The following CDH13 variants were observed in gnomAD, a reference collection of about 807,000 sequenced individuals.
CDH13 encodes the protein cadherin 13.
CDH13 carries 24 observed loss-of-function variants against 63.8 expected under a neutral mutation model. The observed-to-expected ratio is 0.38, with a 90% CI of 0.27 to 0.53. The LOEUF (loss-of-function observed/expected upper bound fraction) is 0.53. Ranked by LOEUF, CDH13 falls within the 20% of genes least tolerant of loss-of-function variation. CDH13 has a pLI of 0.85. For missense variants in CDH13, 1,049 were observed against 903.1 expected (o/e 1.16, Z -2.07); for synonymous variants, 503 against 355.3 (o/e 1.42, Z -4.67).
At chr16:83,218,125 G>A (rs1049886792) in intron 5 of CDH13, among the ~76,000 whole-genome samples, 1 of 152,132 alleles carries the variant, frequency 6.6e-6, no homozygotes, top group East Asian at 1.9e-4. Flanking sequence ...TGGGTTAATG[G>A]TTGTATTTGG....
At chr16:82,768,641 GC>G (rs1244699593) in intron 1 of CDH13, among the ~76,000 whole-genome samples, 4 of 152,140 alleles carry the variant, frequency 2.6e-5, no homozygotes, top group South Asian at 2.1e-4. Context: ...AATCTTTGGG[GC>G]AGGTTAGGAG....
intron 4 of CDH13, among the ~76,000 whole-genome samples, chr16:83,177,361 A>T (rs1456520972): frequency 6.6e-6 from 1 of 152,208 alleles, no homozygotes; most frequent in Non-Finnish European, 1.5e-5. Flanking sequence ...GTCTGATGCC[A>T]TCCCCAGGTC....
At chr16:83,259,839 A>G (rs1906744759) in intron 5 of CDH13, among the ~76,000 whole-genome samples, 1 of 152,214 alleles carries the variant, frequency 6.6e-6, no homozygotes. Flanking sequence ...AGCACCATGA[A>G]CCACAGCACC....
rs570760475 is a variant in CDH13, at chr16:83,795,649, G to C, written c.*619G>C. 6.6e-6 allele frequency: 1 copy of C among 152,362 alleles called. No homozygotes were observed. The highest frequency in any genetic ancestry group is 2.1e-4 in the South Asian group (1 of 4,828). The allele number at this position is 152,362 out of a possible 1,614,324, so 9.4% of individuals were successfully genotyped here. A position where few individuals can be genotyped will look rare whatever the true frequency, so the allele number is the denominator to read the frequency against. The stretch of plus-strand genomic sequence containing the variant: ...CCAGCCAGGCAGGTCCACAGAGAGG[G>C]AGAGCAGAGAAAGAAGTCCTTTCTC... On this transcript the variant is annotated 3_prime_UTR_variant, in exon 14 of 14. Coordinates refer to ENST00000567109, the MANE Select transcript of CDH13 (RefSeq NM_001257.5).
chr16:82,729,278 C>G (rs901526202), intron 1 of CDH13, among the ~76,000 whole-genome samples: 1 of 152,148 alleles, frequency 6.6e-6, no homozygotes, highest in East Asian at 1.9e-4. Context: ...TTGCCCCGAT[C>G]CATCAGAGGA....
chr16:83,175,516 C>T (rs1197621587), intron 4 of CDH13, among the ~76,000 whole-genome samples: 3 of 152,016 alleles, frequency 2.0e-5, no homozygotes, highest in African/African-American at 7.2e-5. Flanking sequence ...GGGATGGGGG[C>T]ACCACTGACT....
At chr16:83,551,658 T>C (rs560090203) in intron 7 of CDH13, among the ~76,000 whole-genome samples, 1 of 152,328 alleles carries the variant, frequency 6.6e-6, no homozygotes, top group Non-Finnish European at 1.5e-5. Context: ...ACACTGTCTT[T>C]GTTTAAGATG....
chr16:82,919,774 A>G (rs565425896), intron 2 of CDH13, among the ~76,000 whole-genome samples: 11 of 152,356 alleles, frequency 7.2e-5, no homozygotes, highest in Admixed American at 5.2e-4. Context: ...TCTGTTCGTC[A>G]TCATTCATCT....
rs868561468 is a variant in CDH13 at position 82,632,643 on chromosome 16, G to A, written c.45+5506G>A. ...GGCCTGCATACCCTCTCTGTCAGCA[G>A]TCCTCAACCATTTTGGTACCAGGGA... On this transcript the variant is annotated intron_variant, in intron 1 of 13. Coordinates refer to ENST00000567109, the MANE Select transcript of CDH13 (RefSeq NM_001257.5). 2.6e-5 allele frequency among the ~76,000 whole-genome samples: 4 copies of A among 152,288 alleles called. 1 individual carries two copies. The highest frequency in any genetic ancestry group is 6.8e-3 in the Middle Eastern group (2 of 294).
intron 2 of CDH13, among the ~76,000 whole-genome samples, chr16:82,969,029 C>A (rs11642602): frequency 0.44 from 67,563 of 151,962 alleles, 15,159 homozygotes; most frequent in East Asian, 0.49. Flanking sequence ...ATCGCTTGAA[C>A]CCTGGAGGCA....
intron 4 of CDH13, among the ~76,000 whole-genome samples, chr16:83,202,755 G>A (rs1385525088): frequency 6.6e-6 from 1 of 152,164 alleles, no homozygotes; most frequent in African/African-American, 2.4e-5. Context: ...TGGGAATAGT[G>A]CCAGGTTCAT....
At chr16:83,014,123 C>G (rs1417339863) in intron 2 of CDH13, among the ~76,000 whole-genome samples, 3 of 151,958 alleles carry the variant, frequency 2.0e-5, no homozygotes, top group South Asian at 2.1e-4. Flanking sequence ...AATATTCTGA[C>G]AGATCAGGCA....
At position 82,754,123 on chromosome 16, in the gene CDH13, G is replaced by A. The variant is rs148515905; in HGVS notation, c.46-104239G>A. On this transcript the variant is annotated intron_variant, in intron 1 of 13. Coordinates refer to ENST00000567109, the MANE Select transcript of CDH13 (RefSeq NM_001257.5). ...TTGCCATGTGTAGTTCATGGCGCAG[G>A]GTCAGGGCAGAAACTCCTTAATATT... is the stretch of plus-strand genomic sequence containing the variant. 1.1e-4 allele frequency among the ~76,000 whole-genome samples: 17 copies of A among 152,220 alleles called. No homozygotes were observed. In the East Asian group the frequency reaches 3.3e-3, roughly 29 times the overall value.
intron 7 of CDH13, among the ~76,000 whole-genome samples, chr16:83,592,521 C>T (rs977603859): frequency 2.0e-4 from 30 of 152,138 alleles, no homozygotes; most frequent in African/African-American, 7.2e-4. Context: ...TCTAGGAACG[C>T]CATTGGCAGT....
intron 2 of CDH13, among the ~76,000 whole-genome samples, chr16:82,977,307 G>T (rs988570701): frequency 2.6e-5 from 4 of 152,110 alleles, no homozygotes; most frequent in African/African-American, 9.7e-5. Flanking sequence ...GAGGGCCAGG[G>T]TATTAACCAG....
intron 1 of CDH13, among the ~76,000 whole-genome samples, chr16:82,803,324 A>G (rs2036965231): frequency 6.6e-6 from 1 of 152,210 alleles, no homozygotes; most frequent in African/African-American, 2.4e-5. Flanking sequence ...TGGAAAGTTC[A>G]TTCTTATTTA....
chr16:83,303,993 C>G (rs1381485020), intron 5 of CDH13, among the ~76,000 whole-genome samples: 6 of 152,208 alleles, frequency 3.9e-5, no homozygotes, highest in Non-Finnish European at 7.4e-5. Flanking sequence ...TTTTTCTAGT[C>G]TCTATGTGTT....
rs193111945 is a variant in CDH13, at chr16:83,499,883, A to G, written c.960+13228A>G. On this transcript the variant is annotated intron_variant, in intron 7 of 13. Coordinates refer to ENST00000567109, the MANE Select transcript of CDH13 (RefSeq NM_001257.5). ...AATGGCACGATCTCAGCTCACTGCA[A>G]TCTCCACCTCCCGGGTTCAAGCAAT... 1.6e-3 allele frequency among the ~76,000 whole-genome samples: 247 copies of G among 151,982 alleles called. 2 individuals carry two copies. Among genetic ancestry groups the G allele is most frequent in the Admixed American group, 7.7e-3 (118 of 15,270 alleles).
At chr16:83,031,425 G>T (rs959856073) in intron 2 of CDH13, among the ~76,000 whole-genome samples, 3 of 144,394 alleles carry the variant, frequency 2.1e-5, no homozygotes, top group Non-Finnish European at 3.0e-5. Context: ...CACGTATATG[G>T]TATATACATG....
Sources: gnomAD v4.1 joint callset for allele counts (sites outside exome capture counted in the v4.1 genomes callset) on GRCh38, gnomAD v4.1.1 for gene constraint, MANE v1.5 for transcripts, NCBI Gene and HGNC (gene_info 2026-07-23, HGNC 2026-07-21) for gene names.